RNMT: variants seen among roughly 807,000 people sequenced by gnomAD.
RNMT encodes the protein RNA guanine-7 methyltransferase.
Under a neutral mutation model 56.0 loss-of-function variants are expected in RNMT, and 27 were observed. The ratio of observed to expected loss-of-function variants is 0.48; its 90% CI spans 0.36 to 0.67. The LOEUF (loss-of-function observed/expected upper bound fraction) is 0.67, where lower values mean the gene tolerates loss of function less well. Ranked by LOEUF, RNMT falls within the 30% of genes least tolerant of loss-of-function variation. The pLI, the probability that RNMT is intolerant of heterozygous loss-of-function variation, is 0.00. For missense variants in RNMT, 519 were observed against 552.1 expected (o/e 0.94, Z 0.60); for synonymous variants, 184 against 176.2 (o/e 1.04, Z -0.35).
At chr18:13,728,191 C>T (rs1274369277) in intron 1 of RNMT, among the ~76,000 whole-genome samples, 1 of 151,768 alleles carries the variant, frequency 6.6e-6, no homozygotes, top group Non-Finnish European at 1.5e-5. Context: ...TTTGAAGAAC[C>T]TCCATCATAC....
intron 9 of RNMT, among the ~76,000 whole-genome samples, chr18:13,749,325 C>CTGAT (rs2044402598): frequency 6.6e-6 from 1 of 152,196 alleles, no homozygotes; most frequent in Admixed American, 6.5e-5. Context: ...TCAAAAAAAA[C>CTGAT]TGATTGGTAA....
At chr18:13,742,247 A>C (rs2044262888) in intron 7 of RNMT, among the ~76,000 whole-genome samples, 1 of 151,926 alleles carries the variant, frequency 6.6e-6, no homozygotes, top group Non-Finnish European at 1.5e-5. Flanking sequence ...AGGCAGGAGG[A>C]TCACTTGAGC....
At chr18:13,741,843 A>G (rs2044256841) in intron 7 of RNMT, 152 bp downstream of exon 7, 2 of 546,950 alleles carry the variant, frequency 3.7e-6, no homozygotes. Flanking sequence ...CAAAATTTAA[A>G]TTCAATAGAC....
intron 11 of RNMT, among the ~76,000 whole-genome samples, chr18:13,757,142 A>C (rs2044556753): frequency 6.6e-6 from 1 of 150,962 alleles, no homozygotes; most frequent in South Asian, 2.1e-4. Flanking sequence ...ATTTAAAAAT[A>C]CTTCATTGGT....
Position 13,731,456 on chromosome 18 carries a change from C to A in RNMT, c.-42-20C>A. The A allele has an allele frequency of 3.0e-6, 4 of 1,340,636 alleles. No homozygotes were observed. Among genetic ancestry groups the A allele is most frequent in the East Asian group, 2.3e-5 (1 of 43,040 alleles). The allele number at this position is 1,340,636 out of a possible 1,614,324, so 83.0% of individuals were successfully genotyped here. Reference sequence around the variant, plus strand: ...AAGTCTTAGTGTTTACAAGTAATACCAATTTTTTTCCTATTCTAGTGTTGG... The same window carrying A: ...AAGTCTTAGTGTTTACAAGTAATACAAATTTTTTTCCTATTCTAGTGTTGG... On this transcript the variant is annotated intron_variant, in intron 2 of 11. Coordinates refer to ENST00000383314, the MANE Select transcript of RNMT (RefSeq NM_003799.3).
At chr18:13,737,906 A>G (rs1359821864) in intron 5 of RNMT, among the ~76,000 whole-genome samples, 5 of 152,048 alleles carry the variant, frequency 3.3e-5, no homozygotes, top group African/African-American at 1.2e-4. Context: ...TTAGAAAATC[A>G]TAATTTTTTT....
chr18:13,734,250 T>G (rs2044122611), intron 3 of RNMT, among the ~76,000 whole-genome samples: 1 of 152,198 alleles, frequency 6.6e-6, no homozygotes, highest in Non-Finnish European at 1.5e-5. Context: ...CGGTACGTCT[T>G]TAGCAGCAAC....
intron 7 of RNMT, among the ~76,000 whole-genome samples, chr18:13,742,035 C>A (rs1198349589): frequency 6.6e-6 from 1 of 152,184 alleles, no homozygotes; most frequent in Non-Finnish European, 1.5e-5. Context: ...TAGTATATTG[C>A]TTCTTAAAAG....
intron 4 of RNMT, among the ~76,000 whole-genome samples, chr18:13,736,521 C>G (rs1419239078): frequency 6.8e-6 from 1 of 147,122 alleles, no homozygotes; most frequent in African/African-American, 2.5e-5. Flanking sequence ...TTTTATATTT[C>G]TCTTGGTGGT....
chr18:13,749,499 AAAG>A (rs1377521402), intron 9 of RNMT, among the ~76,000 whole-genome samples: 28 of 152,232 alleles, frequency 1.8e-4, no homozygotes, highest in African/African-American at 6.3e-4. Flanking sequence ...GAAAAGAGAC[AAAG>A]AAGATTGCAA....
Position 13,747,866 on chromosome 18 carries a change from A to G in RNMT, c.1257+1529A>G, listed in dbSNP as rs548387984. 6.6e-5 allele frequency among the ~76,000 whole-genome samples: 10 copies of G among 152,292 alleles called. No individual in the cohort carries two copies. The South Asian group carries it at 1.7e-3, about 25-fold the overall frequency. ...AGAAAACTAGCAAAACTATGTGTGGATAAGTCCCCCTGTCCCACATATACA... is the reference window on the plus strand; with the variant it reads ...AGAAAACTAGCAAAACTATGTGTGGGTAAGTCCCCCTGTCCCACATATACA... On this transcript the variant is annotated intron_variant, in intron 9 of 11. Transcript: ENST00000383314.
At chr18:13,756,577 G>A (rs1256435495) in intron 11 of RNMT, among the ~76,000 whole-genome samples, 1 of 152,182 alleles carries the variant, frequency 6.6e-6, no homozygotes, top group African/African-American at 2.4e-5. Context: ...CTTCTGGCAA[G>A]AACCACAGAA....
chr18:13,732,844 C>G (rs899119451), intron 3 of RNMT, among the ~76,000 whole-genome samples: 2 of 150,428 alleles, frequency 1.3e-5, no homozygotes, highest in East Asian at 3.9e-4. Context: ...CTCCCGGGAC[C>G]TCCACCTCCC....
At chr18:13,751,229 G>C (rs1032589213) in intron 9 of RNMT, among the ~76,000 whole-genome samples, 1 of 152,168 alleles carries the variant, frequency 6.6e-6, no homozygotes, top group Non-Finnish European at 1.5e-5. Context: ...CCATCTGATA[G>C]AGGGCTAATA....
Position 13,734,488 on chromosome 18 carries a change from A to G in RNMT, c.442A>G (p.Thr148Ala). 6.2e-7 allele frequency: 1 copy of G among 1,613,300 alleles called. No individual in the cohort carries two copies. Among genetic ancestry groups the G allele is most frequent in the Non-Finnish European group, 8.5e-7 (1 of 1,179,720 alleles). ...GAATCTGGAAGAAGGACACAGCTCA[A>G]CAGTGGCTGCCCATTACAATGAACT... ...QKNLEEGHSS[T>A]VAAHYNELQE... The change falls in exon 4 of 12, where the codon ACA (threonine) becomes GCA (alanine). Residue 148 changes from threonine (T) to alanine (A), a missense_variant. Thr to Ala is a moderately conservative substitution (Grantham distance 58). Coordinates refer to ENST00000383314, the MANE Select transcript of RNMT (RefSeq NM_003799.3).
intron 1 of RNMT, among the ~76,000 whole-genome samples, chr18:13,728,159 G>A (rs965175029): frequency 2.0e-5 from 3 of 152,094 alleles, no homozygotes; most frequent in African/African-American, 4.8e-5. Context: ...CATCTCAATA[G>A]CACTAGTTCT....
rs1229079417 is a variant in RNMT, at chr18:13,737,118, A to C, written c.662A>C (p.Asn221Thr). The change falls in exon 5 of 12, where the codon AAC becomes ACC. Residue 221 changes from asparagine (N) to threonine (T), a missense_variant. Asn to Thr is a moderately conservative substitution (Grantham distance 65, BLOSUM62 0). Coordinates refer to ENST00000383314, the MANE Select transcript of RNMT (RefSeq NM_003799.3). ...CTGAAATGGAAAAAAGGAAGAATTA[A>C]CAAGCTAGTTTGTACTGGTAAGATA... ...DLLKWKKGRINKLVCTDIADV... is the reference protein window; with the variant it reads ...DLLKWKKGRITKLVCTDIADV... The C allele has an allele frequency of 2.5e-6, 4 of 1,610,314 alleles. No individual in the cohort carries two copies. In the East Asian group the frequency reaches 6.7e-5, roughly 27 times the overall value.
chr18:13,731,487 GA>G lies in RNMT; in HGVS notation c.-29del, dbSNP rs751140581. 2 of 1,531,866 alleles carry G rather than the reference GA, an allele frequency of 1.3e-6. No homozygotes were observed. Among genetic ancestry groups the G allele is most frequent in the Admixed American group, 4.2e-5 (2 of 48,118 alleles). 94.9% of individuals were successfully genotyped at this position (1,531,866 alleles called of 1,614,324 possible). A position where few individuals can be genotyped will look rare whatever the true frequency, so the allele number is the denominator to read the frequency against. On this transcript the variant is annotated 5_prime_UTR_variant, in exon 3 of 12. The change abolishes the stop of an existing upstream ORF in the 5' untranslated region. Transcript: ENST00000383314. ...TTTTCCTATTCTAGTGTTGGTTCAT[GA>G]AGTTTTACCATCAATTCAAGTAATC...
chr18:13,737,874 CAGAT>C (rs2149088793), intron 5 of RNMT, among the ~76,000 whole-genome samples: 1 of 149,334 alleles, frequency 6.7e-6, no homozygotes, highest in South Asian at 2.1e-4. Flanking sequence ...TTTTTTCAAT[CAGAT>C]AAAGAGGAAT....
Sources: allele counts gnomAD v4.1 joint callset (sites outside exome capture counted in the v4.1 genomes callset), GRCh38; gene constraint gnomAD v4.1.1; transcripts MANE v1.5; gene names NCBI Gene and HGNC (gene_info 2026-07-23, HGNC 2026-07-21).